Variants in CLSTN3 observed in about 807,000 individuals in gnomAD.
The protein encoded by CLSTN3 is calsyntenin-3.
In CLSTN3, 36 loss-of-function variants were observed where a neutral mutation model predicts 95.9. The observed-to-expected ratio is 0.38, with a 90% CI of 0.29 to 0.50. The LOEUF is 0.50. CLSTN3 is among the 20% of genes least tolerant of loss of function. CLSTN3 has a pLI of 0.95. For synonymous variants in CLSTN3, 481 were observed against 504.0 expected, an observed-to-expected ratio of 0.95 and a Z score of 0.61; for missense variants, 1,084 against 1,268.8, an observed-to-expected ratio of 0.85 and a Z score of 2.21.
At position 7,137,795 on chromosome 12, in the gene CLSTN3, T is replaced by TGTGTGTGTGTGTGAGA. The variant is rs768487238; in HGVS notation, c.1211-159_1211-158insTGTGTGTGTGTGAGAG. Among the ~76,000 whole-genome samples, 137 of 70,666 alleles carry TGTGTGTGTGTGTGAGA rather than the reference T, an allele frequency of 1.9e-3. 2 individuals are homozygous for TGTGTGTGTGTGTGAGA. The highest frequency in any genetic ancestry group is 6.9e-3 in the East Asian group (13 of 1,882). The allele number at this position is 70,666 out of a possible 152,430, so 46.4% of individuals were successfully genotyped here. Reference sequence around the variant, plus strand: ...GTGTGTGTGTGTGTGTGTGTGTGTGTGAGAGAGAGAGAGAGAGAGAGAGAG... The same window carrying TGTGTGTGTGTGTGAGA: ...GTGTGTGTGTGTGTGTGTGTGTGTGTGTGTGTGTGTGTGAGAGAGAGAGAGAGAGAGAGAGAGAGAG... On this transcript the variant is annotated intron_variant, in intron 7 of 17. Coordinates refer to ENST00000266546, the MANE Select transcript of CLSTN3 (RefSeq NM_014718.4). The surrounding 1 kb of genome is among the most constrained non-coding windows in gnomAD (Gnocchi z 4.4).
At chr12:7,142,172 G>A in intron 10 of CLSTN3, 33 bp downstream of exon 10, 1 of 1,554,834 alleles carries the variant, frequency 6.4e-7, no homozygotes. Flanking sequence ...AGACCAGAGA[G>A]TTCTCATCTT....
At chr12:7,143,661 C>T (rs771945204) in intron 12 of CLSTN3, among the ~76,000 whole-genome samples, 1 of 152,300 alleles carries the variant, frequency 6.6e-6, no homozygotes, top group East Asian at 1.9e-4. Context: ...ATGCGAATTG[C>T]TTGGATAACC....
Position 7,149,735 on chromosome 12 carries a change from C to G in CLSTN3, c.2245+42C>G. ...GGCCTGTCCTCTGTGTGTGTGTGCCCCTCCCAAAAAGTAAGGGCCTAGGAA... is the reference window on the plus strand; with the variant it reads ...GGCCTGTCCTCTGTGTGTGTGTGCCGCTCCCAAAAAGTAAGGGCCTAGGAA... On this transcript the variant is annotated intron_variant, in intron 14 of 17. Coordinates refer to ENST00000266546, the MANE Select transcript of CLSTN3 (RefSeq NM_014718.4). The surrounding 1 kb of genome is among the most constrained non-coding windows in gnomAD (Gnocchi z 4.5). The G allele has an allele frequency of 1.3e-6, 2 of 1,566,534 alleles. No individual in the cohort carries two copies. Among genetic ancestry groups the G allele is most frequent in the Non-Finnish European group, 1.7e-6 (2 of 1,150,892 alleles).
chr12:7,136,506 A>T lies in CLSTN3; in HGVS notation c.928+115A>T, dbSNP rs772018533. The T allele has an allele frequency of 2.8e-6, 3 of 1,078,956 alleles. No individual in the cohort carries two copies. The African/African-American group carries it at 4.8e-5, about 17-fold the overall frequency. The allele number at this position is 1,078,956 out of a possible 1,614,324, so 66.8% of individuals were successfully genotyped here. On this transcript the variant is annotated intron_variant, in intron 6 of 17. Coordinates refer to ENST00000266546, the MANE Select transcript of CLSTN3 (RefSeq NM_014718.4). The stretch of plus-strand genomic sequence containing the variant: ...TGGCCATCCACAGGTGTTTATCCAT[A>T]GAGGTTGTGACACGATTAGCATTTG...
chr12:7,155,573 T>C (rs1939801164), intron 16 of CLSTN3, among the ~76,000 whole-genome samples: 1 of 152,262 alleles, frequency 6.6e-6, no homozygotes, highest in African/African-American at 2.4e-5. Flanking sequence ...GTGAAGGCAC[T>C]GCCCCTGGCT....
rs752723324 is a variant in CLSTN3 at position 7,157,700 on chromosome 12, C to T, written c.2730+9C>T. On this transcript the variant is annotated intron_variant, in intron 17 of 17. Coordinates refer to ENST00000266546, the MANE Select transcript of CLSTN3 (RefSeq NM_014718.4). The surrounding 1 kb of genome is among the most constrained non-coding windows in gnomAD (Gnocchi z 5.9). The stretch of plus-strand genomic sequence containing the variant: ...TTGTGAACCCCATGGAGGTGAGAGG[C>T]CTGGGGAAGCGGGGTTCTGTAGGGT... 6.1e-5 allele frequency: 95 copies of T among 1,563,340 alleles called. No homozygotes were observed. The highest frequency in any genetic ancestry group is 5.1e-4 in the Middle Eastern group (3 of 5,922).
intron 16 of CLSTN3, among the ~76,000 whole-genome samples, chr12:7,152,862 A>G (rs772117479): frequency 1.8e-4 from 27 of 152,358 alleles, no homozygotes; most frequent in Non-Finnish European, 3.7e-4. Flanking sequence ...ATTTAAATCC[A>G]GGAGGCATGA....
Position 7,142,083 on chromosome 12 carries a change from C to T in CLSTN3, c.1487-3C>T. 2 of 1,588,254 alleles carry T rather than the reference C, an allele frequency of 1.3e-6. No individual in the cohort carries two copies. The highest frequency in any genetic ancestry group is 1.1e-5 in the South Asian group (1 of 88,190). ...ACTGTTTTTTTTTTTTTTTTATCCC[C>T]AGAGGAGAAGAACAAAGAGAAGGAA... is the stretch of plus-strand genomic sequence containing the variant. On this transcript the variant is annotated splice_region_variant and splice_polypyrimidine_tract_variant and intron_variant, in intron 9 of 17. Coordinates refer to ENST00000266546, the MANE Select transcript of CLSTN3 (RefSeq NM_014718.4).
chr12:7,154,389 CAG>C (rs777346970), intron 16 of CLSTN3, among the ~76,000 whole-genome samples: 92 of 152,286 alleles, frequency 6.0e-4, no homozygotes, highest in Middle Eastern at 3.4e-3. Context: ...CTGGAACAGT[CAG>C]GGGAGATTTT....
intron 16 of CLSTN3, among the ~76,000 whole-genome samples, chr12:7,152,864 G>A (rs1939747602): frequency 6.6e-6 from 1 of 152,142 alleles, no homozygotes; most frequent in Admixed American, 6.5e-5. Flanking sequence ...TTAAATCCAG[G>A]AGGCATGATT....
Position 7,150,849 on chromosome 12 carries a change from G to A in CLSTN3, c.2392-79G>A, listed in dbSNP as rs1279675809. The stretch of plus-strand genomic sequence containing the variant: ...GAGAAGGAGATGGGGGCAGTAGTTA[G>A]GAGATGGGGCTGGGGTCTAGAGAAG... On this transcript the variant is annotated intron_variant, in intron 15 of 17. Transcript: ENST00000266546. This position sits in a 1 kb window ranked among gnomAD's most constrained non-coding sequence, Gnocchi z 4.0. 2 of 1,548,644 alleles carry A rather than the reference G, an allele frequency of 1.3e-6. No homozygotes were observed. Among genetic ancestry groups the A allele is most frequent in the East Asian group, 2.3e-5 (1 of 44,044 alleles).
chr12:7,137,116 C>A lies in CLSTN3; in HGVS notation c.1210+6C>A. The A allele has an allele frequency of 6.3e-7, 1 of 1,598,012 alleles. No individual in the cohort carries two copies. The highest frequency in any genetic ancestry group is 8.5e-7 in the Non-Finnish European group (1 of 1,170,648). ...ATGTAACACTGTCCAGAATGGTGAG[C>A]CTCCCCTCCAGGCACTAGCCAGAGG... On this transcript the variant is annotated splice_donor_region_variant and intron_variant, in intron 7 of 17. Transcript: ENST00000266546. This position sits in a 1 kb window ranked among gnomAD's most constrained non-coding sequence, Gnocchi z 4.4.
In CLSTN3 at chr12:7,130,638, C is replaced by T. The variant is rs896580727; in HGVS notation, c.-11C>T. ...GCAAACGCCTGGCCCTGCCCTGCCC[C>T]ACGCCGCACCATGACCCTCCTGCTG... On this transcript the variant is annotated 5_prime_UTR_variant, in exon 1 of 18. Coordinates refer to ENST00000266546, the MANE Select transcript of CLSTN3 (RefSeq NM_014718.4). 1.3e-6 allele frequency: 2 copies of T among 1,563,064 alleles called. No homozygotes were observed. The highest frequency in any genetic ancestry group is 1.7e-6 in the Non-Finnish European group (2 of 1,153,378).
chr12:7,130,230 G>C (rs893305018), upstream of CLSTN3: 1 of 325,014 alleles, frequency 3.1e-6, no homozygotes, highest in African/African-American at 2.2e-5. Context: ...TTGCAGCCAG[G>C]GGAAGGAGCC....
At position 7,158,378 on chromosome 12, in the gene CLSTN3, C is replaced by T. The variant is rs1939860170; in HGVS notation, c.*297C>T. On this transcript the variant is annotated 3_prime_UTR_variant, in exon 18 of 18. Transcript: ENST00000266546. ...CCTTTCTACCCCCAATGGCAGCTGC[C>T]CCCTTAGCACTCACTGTGTTGGGGA... 1 of 292,184 alleles carries T rather than the reference C, an allele frequency of 3.4e-6. No homozygotes were observed. Among genetic ancestry groups the T allele is most frequent in the Non-Finnish European group, 6.4e-6 (1 of 155,398 alleles). The allele number at this position is 292,184 out of a possible 1,614,324, so 18.1% of individuals were successfully genotyped here.
At chr12:7,143,450 A>G (rs1215000250) in intron 12 of CLSTN3, 139 bp downstream of exon 12, 1 of 900,728 alleles carries the variant, frequency 1.1e-6, no homozygotes, top group African/African-American at 1.7e-5. Context: ...AATGGAGACA[A>G]TTGACCACTG....
Position 7,150,962 on chromosome 12 carries a change from A to C in CLSTN3, c.2426A>C (p.His809Pro), listed in dbSNP as rs751312934. The change falls in exon 16 of 18, where the codon CAC becomes CCC. Residue 809 changes from histidine (H) to proline (P), a missense_variant. Coordinates refer to ENST00000266546, the MANE Select transcript of CLSTN3 (RefSeq NM_014718.4). The surrounding 1 kb of genome is among the most constrained non-coding windows in gnomAD (Gnocchi z 4.0). ...CTGCACAGCATGAACCGGGTTGCCC[A>C]CCCCAGCCACGTGCTCAGCTCCCAG... ...NVLHSMNRVA[H>P]PSHVLSSQQF... is the part of the protein sequence containing the mutation. 1 of 1,611,162 alleles carries C rather than the reference A, an allele frequency of 6.2e-7. No individual in the cohort carries two copies. Among genetic ancestry groups the C allele is most frequent in the Non-Finnish European group, 8.5e-7 (1 of 1,178,268 alleles).
At chr12:7,152,693 C>G (rs776497232) in intron 16 of CLSTN3, among the ~76,000 whole-genome samples, 12 of 152,302 alleles carry the variant, frequency 7.9e-5, no homozygotes, top group Admixed American at 6.5e-4. Flanking sequence ...GTGCCAGGCA[C>G]TGTGCTCGGG....
chr12:7,143,955 C>T (rs113945686), intron 12 of CLSTN3, among the ~76,000 whole-genome samples: 2,694 of 152,228 alleles, frequency 0.018, 77 homozygotes, highest in African/African-American at 0.06. Context: ...GTTTGCTGGC[C>T]GGGCACGGTG....
Sources: allele counts gnomAD v4.1 joint callset (sites outside exome capture counted in the v4.1 genomes callset), GRCh38; gene constraint gnomAD v4.1.1; non-coding constraint Gnocchi (gnomAD v3.1); transcripts MANE v1.5; gene names NCBI Gene and HGNC (gene_info 2026-07-23, HGNC 2026-07-21).